The following NRG1 variants were observed in gnomAD, a reference collection of about 807,000 sequenced individuals.
NRG1 encodes the protein pro-neuregulin-1, membrane-bound isoform.
In NRG1, 18 loss-of-function variants were observed where a neutral mutation model predicts 63.8. That is an observed-to-expected ratio of 0.28 (90% CI 0.19 to 0.42). The LOEUF (loss-of-function observed/expected upper bound fraction) is 0.42. NRG1 is among the 10% of genes least tolerant of loss of function. The pLI is 1.00. For missense variants in NRG1, 762 were observed against 814.7 expected (o/e 0.94, Z 0.79); for synonymous variants, 302 against 301.3 (o/e 1.00, Z -0.02).
At chr8:32,246,553 C>T (rs1274912502) in intron 1 of NRG1, among the ~76,000 whole-genome samples, 1 of 152,176 alleles carries the variant, frequency 6.6e-6, no homozygotes, top group African/African-American at 2.4e-5. Context: ...AGACAAAGCA[C>T]TACAGCTAGA....
At chr8:32,545,706 A>C (rs2129522035), upstream of NRG1, among the ~76,000 whole-genome samples, 1 of 152,260 alleles carries the variant, frequency 6.6e-6, no homozygotes, top group Admixed American at 6.5e-5. Context: ...ATGTAATAAA[A>C]CCCCTTAAAA....
chr8:32,619,754 T>C (rs1848008939), intron 5 of NRG1, among the ~76,000 whole-genome samples: 1 of 152,276 alleles, frequency 6.6e-6, no homozygotes, highest in South Asian at 2.1e-4. Context: ...TTTTTCATTA[T>C]ACTTCTTCAT....
intron 5 of NRG1, among the ~76,000 whole-genome samples, chr8:32,663,496 C>T (rs1345689094): frequency 6.6e-6 from 1 of 152,112 alleles, no homozygotes; most frequent in African/African-American, 2.4e-5. Context: ...AGGTTTTTCT[C>T]CTTTCTCTAT....
chr8:32,665,334 A>G (rs1803864112), intron 5 of NRG1, among the ~76,000 whole-genome samples: 2 of 152,276 alleles, frequency 1.3e-5, no homozygotes, highest in South Asian at 2.1e-4. Flanking sequence ...TTGTACAATT[A>G]TTACAAAAAG....
At chr8:31,813,912 A>G (rs1823183054) in intron 1 of NRG1, among the ~76,000 whole-genome samples, 1 of 152,172 alleles carries the variant, frequency 6.6e-6, no homozygotes, top group Non-Finnish European at 1.5e-5. Context: ...ATTATGCCTC[A>G]TCATTCATTT....
At chr8:31,992,308 T>G (rs568642857) in intron 1 of NRG1, among the ~76,000 whole-genome samples, 1 of 152,138 alleles carries the variant, frequency 6.6e-6, no homozygotes, top group South Asian at 2.1e-4. Flanking sequence ...AGAGAATTTG[T>G]TGATTAAGTA....
chr8:32,752,309 A>T lies in NRG1; in HGVS notation c.692-2063A>T, dbSNP rs1589596142. 2.0e-5 allele frequency among the ~76,000 whole-genome samples: 3 copies of T among 152,164 alleles called. No homozygotes were observed. In the East Asian group the frequency reaches 5.8e-4, roughly 29 times the overall value. ...AGCAGCTTCAACCAGATAACACCCCATAGAAATTAATTCCCTGTCCTGTGG... is the reference window on the plus strand; with the variant it reads ...AGCAGCTTCAACCAGATAACACCCCTTAGAAATTAATTCCCTGTCCTGTGG... On this transcript the variant is annotated intron_variant, in intron 7 of 11. Transcript: ENST00000356819.
intron 1 of NRG1, among the ~76,000 whole-genome samples, chr8:31,677,195 A>G (rs1807796475): frequency 6.6e-6 from 1 of 152,148 alleles, no homozygotes; most frequent in African/African-American, 2.4e-5. Flanking sequence ...CCTATCTGGG[A>G]TAGGACATCG....
intron 1 of NRG1, among the ~76,000 whole-genome samples, chr8:32,111,414 G>A (rs556229615): frequency 6.6e-6 from 1 of 152,172 alleles, no homozygotes; most frequent in Non-Finnish European, 1.5e-5. Context: ...ACTGCTCCCG[G>A]ACTTGCTGTA....
exon 1 of NRG1, chr8:31,639,309 C>A: frequency 6.7e-7 from 1 of 1,498,050 alleles, no homozygotes; most frequent in African/African-American, 1.4e-5. Context: ...TTGCAGCACT[C>A]GGGGCGACAG....
intron 1 of NRG1, among the ~76,000 whole-genome samples, chr8:31,991,418 T>C (rs1811073708): frequency 6.6e-6 from 1 of 151,594 alleles, no homozygotes; most frequent in Admixed American, 6.6e-5. Flanking sequence ...TTCTTCATCA[T>C]CATTATCTCA....
In NRG1 at chr8:32,550,875, A is replaced by T. The variant is rs79536778; in HGVS notation, c.100+2049A>T. Among the ~76,000 whole-genome samples, 527 of 152,246 alleles carry T rather than the reference A, an allele frequency of 3.5e-3. 3 individuals are homozygous for T. Among genetic ancestry groups the T allele is most frequent in the African/African-American group, 0.012 (504 of 41,542 alleles). On this transcript the variant is annotated intron_variant, in intron 1 of 11. Coordinates refer to ENST00000356819, the Ensembl canonical transcript of NRG1. ...TGAATTTGGCTGTAGGTTAGTTTTT[A>T]GTATATTTGTCTCTGTTTTCCACCA... is the stretch of plus-strand genomic sequence containing the variant.
intron 1 of NRG1, among the ~76,000 whole-genome samples, chr8:31,668,042 G>A (rs1283936792): frequency 6.6e-6 from 1 of 152,106 alleles, no homozygotes; most frequent in Non-Finnish European, 1.5e-5. Context: ...TATTGGAAGA[G>A]GATCACATTT....
intron 1 of NRG1, among the ~76,000 whole-genome samples, chr8:31,777,175 C>T (rs1488501106): frequency 2.6e-5 from 4 of 152,168 alleles, no homozygotes; most frequent in Admixed American, 6.5e-5. Flanking sequence ...GATGTCTGGT[C>T]TTGGAGAAAA....
chr8:32,121,903 A>G (rs192795969), intron 1 of NRG1, among the ~76,000 whole-genome samples: 2 of 152,038 alleles, frequency 1.3e-5, no homozygotes, highest in Non-Finnish European at 1.5e-5. Context: ...AAAAATCTTC[A>G]TTTACATTCA....
At chr8:32,592,233 C>T (rs1563724276) in intron 1 of NRG1, among the ~76,000 whole-genome samples, 1 of 151,966 alleles carries the variant, frequency 6.6e-6, no homozygotes, top group African/African-American at 2.4e-5. Context: ...CAGATATTGT[C>T]TAAGAACAAG....
intron 1 of NRG1, among the ~76,000 whole-genome samples, chr8:31,837,795 G>A (rs1284849212): frequency 1.3e-5 from 2 of 151,986 alleles, no homozygotes; most frequent in African/African-American, 4.8e-5. Context: ...CATTCACATT[G>A]TTGCAAATGG....
chr8:32,756,367 T>TA (rs1829686421), intron 8 of NRG1, 36 bp from the exon 9 acceptor site: 1 of 1,595,906 alleles, frequency 6.3e-7, no homozygotes, highest in African/African-American at 1.4e-5. Flanking sequence ...ATGAAAATAA[T>TA]CAAAAAAAAA....
chr8:32,329,142 A>AT (rs35214958), intron 1 of NRG1, among the ~76,000 whole-genome samples: 3 of 151,814 alleles, frequency 2.0e-5, no homozygotes, highest in Non-Finnish European at 4.4e-5. Flanking sequence ...AATTGTTTCT[A>AT]TTTTTTTGTA....
Sources: gnomAD v4.1 joint callset for allele counts (sites outside exome capture counted in the v4.1 genomes callset) on GRCh38, gnomAD v4.1.1 for gene constraint, MANE v1.5 for transcripts, NCBI Gene and HGNC (gene_info 2026-07-23, HGNC 2026-07-21) for gene names.